The following SLC10A7 variants were observed in gnomAD, a reference collection of about 807,000 sequenced individuals.
SLC10A7 encodes solute carrier family 10 member 7, also known as sodium/bile acid cotransporter 7.
SLC10A7 carries 29 observed loss-of-function variants against 43.2 expected under a neutral mutation model. The ratio of observed to expected loss-of-function variants is 0.67; its 90% confidence interval spans 0.50 to 0.92. The LOEUF (loss-of-function observed/expected upper bound fraction) is 0.92. SLC10A7 is among the 40% of genes least tolerant of loss of function. SLC10A7 has a pLI of 0.00. For synonymous variants in SLC10A7, 152 were observed against 144.8 expected (o/e 1.05, Z -0.35); for missense variants, 295 against 403.2 (o/e 0.73, Z 2.30).
intron 4 of SLC10A7, among the ~76,000 whole-genome samples, chr4:146,479,624 T>C (rs1319004009): frequency 6.6e-6 from 1 of 152,128 alleles, no homozygotes; most frequent in Non-Finnish European, 1.5e-5. Flanking sequence ...GAAGGGAGTA[T>C]GGAGACCAGT....
chr4:146,274,200 C>CTTTTT lies in SLC10A7; in HGVS notation c.847+8987_847+8991dup, dbSNP rs35963098. Among the ~76,000 whole-genome samples, 16 of 118,534 alleles carry CTTTTT rather than the reference C, an allele frequency of 1.3e-4. No homozygotes were observed. The South Asian group carries it at 4.1e-3, about 31-fold the overall frequency. 77.8% of individuals were successfully genotyped at this position (118,534 alleles called of 152,430 possible). A position where few individuals can be genotyped will look rare whatever the true frequency, so the allele number is the denominator to read the frequency against. On this transcript the variant is annotated intron_variant, in intron 10 of 11. Coordinates refer to ENST00000335472, the MANE Select transcript of SLC10A7 (RefSeq NM_001029998.6). ...GTGGTTCTCTTTTGTTCAGATTATACTTTTTTTTTTTTTTTTTTTTTGAGA... is the reference window on the plus strand; with the variant it reads ...GTGGTTCTCTTTTGTTCAGATTATACTTTTTTTTTTTTTTTTTTTTTTTTTTGAGA...
intron 5 of SLC10A7, among the ~76,000 whole-genome samples, chr4:146,355,508 A>G (rs1200493728): frequency 6.6e-6 from 1 of 151,506 alleles, no homozygotes. Flanking sequence ...AGAACTAGAA[A>G]TACCATTTGA....
chr4:146,423,181 C>A (rs1729081166), intron 5 of SLC10A7, among the ~76,000 whole-genome samples: 1 of 152,018 alleles, frequency 6.6e-6, no homozygotes, highest in African/African-American at 2.4e-5. Context: ...TGCATTTTTC[C>A]AAACTGTATA....
At chr4:146,334,828 C>T (rs1398148551) in intron 5 of SLC10A7, among the ~76,000 whole-genome samples, 1 of 152,030 alleles carries the variant, frequency 6.6e-6, no homozygotes, top group Non-Finnish European at 1.5e-5. Flanking sequence ...AAGACATTTT[C>T]ATGTAAGACT....
At position 146,254,183 on chromosome 4, in the gene SLC10A7, G is replaced by C. The variant is rs1247673583; in HGVS notation, c.*2308C>G. 1 of 151,076 alleles carries C rather than the reference G, an allele frequency of 6.6e-6. No homozygotes were observed. The highest frequency in any genetic ancestry group is 1.5e-5 in the Non-Finnish European group (1 of 67,764). The allele number at this position is 151,076 out of a possible 1,614,324, so 9.4% of individuals were successfully genotyped here. ...AAACCCACAAAAATTTTAATACTAAGAAAAAACATGAAAATACCAACATTA... is the reference window on the plus strand; with the variant it reads ...AAACCCACAAAAATTTTAATACTAACAAAAAACATGAAAATACCAACATTA... On this transcript the variant is annotated 3_prime_UTR_variant, in exon 12 of 12. Transcript: ENST00000335472.
chr4:146,397,314 T>C (rs1165827877), intron 5 of SLC10A7, among the ~76,000 whole-genome samples: 1 of 152,192 alleles, frequency 6.6e-6, no homozygotes, highest in African/African-American at 2.4e-5. Flanking sequence ...ACTAAAATAA[T>C]GTCAGAAAAG....
chr4:146,390,069 T>A (rs752845339), intron 5 of SLC10A7, among the ~76,000 whole-genome samples: 6 of 152,232 alleles, frequency 3.9e-5, no homozygotes, highest in Non-Finnish European at 5.9e-5. Context: ...TTTTAACCTT[T>A]TAATAGTAAA....
At chr4:146,355,888 G>T (rs1426287007) in intron 5 of SLC10A7, among the ~76,000 whole-genome samples, 4 of 108,664 alleles carry the variant, frequency 3.7e-5, no homozygotes, top group African/African-American at 1.4e-4. Flanking sequence ...GGGGACTGTG[G>T]TGGGGTGGGG....
chr4:146,446,877 T>C (rs1731145827), intron 4 of SLC10A7, among the ~76,000 whole-genome samples: 1 of 152,168 alleles, frequency 6.6e-6, no homozygotes, highest in Non-Finnish European at 1.5e-5. Context: ...ATATATTCAT[T>C]AATTAAAAAG....
chr4:146,274,298 G>A (rs1276630099), intron 10 of SLC10A7, among the ~76,000 whole-genome samples: 2 of 151,240 alleles, frequency 1.3e-5, no homozygotes, highest in Admixed American at 6.6e-5. Flanking sequence ...CTGCCTCCCG[G>A]GTTCAAGTGA....
chr4:146,311,524 A>G (rs1392662522), intron 6 of SLC10A7, among the ~76,000 whole-genome samples: 1 of 152,180 alleles, frequency 6.6e-6, no homozygotes, highest in East Asian at 1.9e-4. Context: ...CTATTAAAAC[A>G]TTATTGTATT....
chr4:146,452,103 T>G (rs985170150), intron 4 of SLC10A7, among the ~76,000 whole-genome samples: 6 of 152,084 alleles, frequency 3.9e-5, no homozygotes, highest in African/African-American at 1.4e-4. Flanking sequence ...AATAAAGGAC[T>G]ACTCCGGCAG....
chr4:146,401,039 G>A (rs1222506148), intron 5 of SLC10A7, among the ~76,000 whole-genome samples: 1 of 152,146 alleles, frequency 6.6e-6, no homozygotes, highest in Non-Finnish European at 1.5e-5. Flanking sequence ...AAAAGAAACT[G>A]CAAACACTGG....
At chr4:146,358,418 A>C (rs956757214) in intron 5 of SLC10A7, among the ~76,000 whole-genome samples, 2 of 152,140 alleles carry the variant, frequency 1.3e-5, no homozygotes, top group Non-Finnish European at 2.9e-5. Flanking sequence ...ATATAGTATA[A>C]AATTTTACAT....
Position 146,311,631 on chromosome 4 carries a change from G to A in SLC10A7, c.472-5622C>T, listed in dbSNP as rs564683805. 5.3e-5 allele frequency among the ~76,000 whole-genome samples: 8 copies of A among 152,294 alleles called. No homozygotes were observed. In the East Asian group the frequency reaches 1.4e-3, roughly 26 times the overall value. The stretch of plus-strand genomic sequence containing the variant: ...TTTACAGTTGATACTGTAGAATTAT[G>A]AATGTTAACTCTCTTTTGCTAGGAA... On this transcript the variant is annotated intron_variant, in intron 6 of 11. Transcript: ENST00000335472.
intron 5 of SLC10A7, among the ~76,000 whole-genome samples, chr4:146,388,333 C>T (rs966415169): frequency 6.6e-6 from 1 of 152,132 alleles, no homozygotes; most frequent in African/African-American, 2.4e-5. Context: ...AAGGACACTC[C>T]ATTCAATAAA....
chr4:146,516,970 C>T, intron 2 of SLC10A7, 68 bp downstream of exon 2: 1 of 1,247,958 alleles, frequency 8.0e-7, no homozygotes. Flanking sequence ...CCAAAGGACT[C>T]TTAAATTTAA....
At chr4:146,350,866 C>A (rs1735036946) in intron 5 of SLC10A7, among the ~76,000 whole-genome samples, 1 of 138,056 alleles carries the variant, frequency 7.2e-6, no homozygotes, top group Admixed American at 7.1e-5. Flanking sequence ...GACATCCACA[C>A]CAAAAACCCA....
chr4:146,420,911 C>T (rs1728916584), intron 5 of SLC10A7, among the ~76,000 whole-genome samples: 1 of 151,954 alleles, frequency 6.6e-6, no homozygotes, highest in African/African-American at 2.4e-5. Flanking sequence ...CCTGTAGTCC[C>T]AGCTACTAGG....
Sources: gnomAD v4.1 joint callset for allele counts (sites outside exome capture counted in the v4.1 genomes callset) on GRCh38, gnomAD v4.1.1 for gene constraint, MANE v1.5 for transcripts, NCBI Gene and HGNC (gene_info 2026-07-23, HGNC 2026-07-21) for gene names.